The following PRKG2 variants were observed in gnomAD, a reference collection of about 807,000 sequenced individuals.
The protein encoded by PRKG2 is cGMP-dependent protein kinase 2.
In PRKG2, 33 loss-of-function variants were observed where a neutral mutation model predicts 97.2. The ratio of observed to expected loss-of-function variants is 0.34; its 90% CI spans 0.26 to 0.45. The LOEUF (loss-of-function observed/expected upper bound fraction) is 0.45, where lower values mean the gene tolerates loss of function less well. PRKG2 is among the 20% of genes least tolerant of loss of function. PRKG2 has a pLI of 1.00. For missense variants in PRKG2, 638 were observed against 900.0 expected, an observed-to-expected ratio of 0.71 and a Z score of 3.73; for synonymous variants, 330 against 321.8, an observed-to-expected ratio of 1.03 and a Z score of -0.27.
chr4:81,180,848 T>C, intron 2 of PRKG2, among the ~76,000 whole-genome samples: 1 of 152,174 alleles, frequency 6.6e-6, no homozygotes, highest in Non-Finnish European at 1.5e-5. Context: ...ATTATTATTA[T>C]TGTACTTTAA....
chr4:81,154,981 C>T (rs1197646835), intron 6 of PRKG2, among the ~76,000 whole-genome samples: 31 of 151,826 alleles, frequency 2.0e-4, no homozygotes, highest in Admixed American at 1.3e-3. Flanking sequence ...GAGACCATCC[C>T]GGCTAACACG....
At chr4:81,121,728 CT>C (rs200587280) in intron 14 of PRKG2, among the ~76,000 whole-genome samples, 4 of 151,302 alleles carry the variant, frequency 2.6e-5, no homozygotes, top group Non-Finnish European at 5.9e-5. Flanking sequence ...CTCTTTCACT[CT>C]TTTTTTTTCT....
intron 18 of PRKG2, among the ~76,000 whole-genome samples, chr4:81,092,180 G>T (rs1741604354): frequency 1.3e-5 from 2 of 151,622 alleles, no homozygotes; most frequent in Non-Finnish European, 2.9e-5. Flanking sequence ...TTCTTGACAG[G>T]TAAGTTAATA....
chr4:81,210,268 A>G (rs1277435111), intron 1 of PRKG2, among the ~76,000 whole-genome samples: 1 of 116,608 alleles, frequency 8.6e-6, no homozygotes, highest in East Asian at 4.2e-4. Context: ...TCTGCTCTGA[A>G]AAAAAAAAGA....
chr4:81,215,484 C>T (rs1001670814), upstream of PRKG2, among the ~76,000 whole-genome samples: 3 of 152,124 alleles, frequency 2.0e-5, no homozygotes, highest in Admixed American at 1.3e-4. Flanking sequence ...ATTTCTATTT[C>T]AAGTGTGTGG....
At chr4:81,104,325 T>C in intron 17 of PRKG2, 45 bp downstream of exon 17, 1 of 1,402,264 alleles carries the variant, frequency 7.1e-7, no homozygotes, top group Non-Finnish European at 9.8e-7. Flanking sequence ...ACCACATTGT[T>C]CTCTAAATTT....
At chr4:81,111,986 G>A (rs1744037291) in intron 14 of PRKG2, among the ~76,000 whole-genome samples, 1 of 151,830 alleles carries the variant, frequency 6.6e-6, no homozygotes, top group Non-Finnish European at 1.5e-5. Context: ...AAATAAACAA[G>A]GTTCACATAA....
rs553778909 is a variant in PRKG2 at position 81,210,465 on chromosome 4, G to A, written c.-14+4471C>T. On this transcript the variant is annotated intron_variant, in intron 1 of 18. Coordinates refer to ENST00000264399, the MANE Select transcript of PRKG2 (RefSeq NM_006259.3). ...ATATAAAAAGAAACTCAACATCATA[G>A]GTCATTAGGGAATCTCAAATTTAAA... 2.0e-5 allele frequency among the ~76,000 whole-genome samples: 3 copies of A among 152,172 alleles called. No homozygotes were observed. The South Asian group carries it at 6.2e-4, about 32-fold the overall frequency.
intron 2 of PRKG2, among the ~76,000 whole-genome samples, chr4:81,197,975 G>A (rs1359388845): frequency 6.6e-6 from 1 of 152,202 alleles, no homozygotes; most frequent in Non-Finnish European, 1.5e-5. Context: ...GTCCAAAAGT[G>A]CCATGGTTTT....
intron 17 of PRKG2, among the ~76,000 whole-genome samples, chr4:81,097,664 T>G (rs929836645): frequency 1.3e-5 from 2 of 152,202 alleles, no homozygotes; most frequent in African/African-American, 4.8e-5. Flanking sequence ...ATCAGTGATC[T>G]TAGCTGAATC....
intron 6 of PRKG2, 40 bp downstream of exon 6, chr4:81,167,121 T>A: frequency 7.6e-7 from 1 of 1,320,998 alleles, no homozygotes. Context: ...CATTCTAATA[T>A]CTTCTAATGA....
chr4:81,174,766 A>G (rs1178614829), intron 3 of PRKG2, 27 bp downstream of exon 3: 2 of 1,577,756 alleles, frequency 1.3e-6, no homozygotes, highest in East Asian at 2.2e-5. Context: ...TATTTATTAT[A>G]TATCTGGAAA....
chr4:81,175,002 T>C (rs1316042133), intron 2 of PRKG2, 43 bp from the exon 3 acceptor site: 1 of 1,501,840 alleles, frequency 6.7e-7, no homozygotes, highest in East Asian at 2.3e-5. Flanking sequence ...TTAATGAAAA[T>C]CATGTTTTAC....
chr4:81,125,886 T>A (rs903756557), intron 14 of PRKG2, among the ~76,000 whole-genome samples: 2 of 152,188 alleles, frequency 1.3e-5, no homozygotes, highest in Non-Finnish European at 2.9e-5. Flanking sequence ...GTGTTTTTTT[T>A]AATAGATACA....
intron 2 of PRKG2, 88 bp downstream of exon 2, chr4:81,204,495 GTTCT>G: frequency 7.4e-7 from 1 of 1,357,324 alleles, no homozygotes. Context: ...GGGTCAATAT[GTTCT>G]TTATCATTAA....
intron 14 of PRKG2, among the ~76,000 whole-genome samples, chr4:81,129,758 G>C (rs1745974399): frequency 6.6e-6 from 1 of 152,156 alleles, no homozygotes; most frequent in African/African-American, 2.4e-5. Context: ...CCTGAAAACA[G>C]CACACCGATG....
At chr4:81,167,557 T>C (rs1297078825) in intron 5 of PRKG2, among the ~76,000 whole-genome samples, 1 of 152,140 alleles carries the variant, frequency 6.6e-6, no homozygotes, top group African/African-American at 2.4e-5. Context: ...TGGAAGTTTG[T>C]TCCTCTCTAC....
Position 81,186,100 on chromosome 4 carries a change from T to C in PRKG2, c.462-11141A>G, listed in dbSNP as rs984419123. ...AATAACAAGGATATTCAGGACTTGA[T>C]TCAGCTCTGGACCAAGCAGACCTAA... On this transcript the variant is annotated intron_variant, in intron 2 of 18. Coordinates refer to ENST00000264399, the MANE Select transcript of PRKG2 (RefSeq NM_006259.3). Among the ~76,000 whole-genome samples the C allele has an allele frequency of 2.0e-5, 3 of 152,106 alleles. No homozygotes were observed. The South Asian group carries it at 6.2e-4, about 32-fold the overall frequency.
intron 12 of PRKG2, among the ~76,000 whole-genome samples, chr4:81,139,743 G>A (rs1747077791): frequency 7.3e-6 from 1 of 136,310 alleles, no homozygotes; most frequent in Non-Finnish European, 1.5e-5. Flanking sequence ...CCACTGCACT[G>A]AAGCCTGGGT....
Sources: gnomAD v4.1 joint callset for allele counts (sites outside exome capture counted in the v4.1 genomes callset) on GRCh38, gnomAD v4.1.1 for gene constraint, MANE v1.5 for transcripts, NCBI Gene and HGNC (gene_info 2026-07-23, HGNC 2026-07-21) for gene names.